The following IVD variants were observed in gnomAD, a reference collection of about 807,000 sequenced individuals.
IVD encodes the protein isovaleryl-CoA dehydrogenase.
A neutral mutation model predicts 51.3 loss-of-function variants in IVD; 31 were observed. The observed-to-expected ratio is 0.60, with a 90% confidence interval of 0.45 to 0.81. IVD has a LOEUF of 0.81. Among genes scored for constraint, IVD ranks in the 40% least tolerant of loss-of-function variants. The pLI, the probability that IVD is intolerant of heterozygous loss-of-function variation, is 0.00. For missense variants in IVD, 475 were observed against 552.0 expected (o/e 0.86, Z 1.40); for synonymous variants, 205 against 219.4 (o/e 0.93, Z 0.58).
downstream of IVD, among the ~76,000 whole-genome samples, chr15:40,425,286 C>T (rs1892603684): frequency 6.6e-6 from 1 of 151,984 alleles, no homozygotes; most frequent in African/African-American, 2.4e-5. Context: ...GCCCATGTGC[C>T]CCTCCTTGAC....
rs1268151040 is a variant in IVD, at chr15:40,420,117, A to C, written c.*1854A>C. 2.0e-6 allele frequency: 2 copies of C among 983,788 alleles called. No homozygotes were observed. Among genetic ancestry groups the C allele is most frequent in the African/African-American group, 3.5e-5 (2 of 57,100 alleles). The allele number at this position is 983,788 out of a possible 1,614,324, so 60.9% of individuals were successfully genotyped here. A position where few individuals can be genotyped will look rare whatever the true frequency, so the allele number is the denominator to read the frequency against. ...GACTCTGTCTCAAAAAATAATAATA[A>C]AATAAATGAACACACATGCTGCTGA... On this transcript the variant is annotated 3_prime_UTR_variant, in exon 12 of 12. Transcript: ENST00000487418.
chr15:40,430,664 G>A (rs1482048907), intron 7 of IVD, among the ~76,000 whole-genome samples: 2 of 152,122 alleles, frequency 1.3e-5, no homozygotes, highest in Non-Finnish European at 2.9e-5. Flanking sequence ...TATGGGTGGC[G>A]GCTTGGGAGG....
Position 40,420,879 on chromosome 15 carries a change from TC to T in IVD, c.*2618del. 1 of 985,574 alleles carries T rather than the reference TC, an allele frequency of 1.0e-6. No individual in the cohort carries two copies. The allele number at this position is 985,574 out of a possible 1,614,324, so 61.1% of individuals were successfully genotyped here. On this transcript the variant is annotated 3_prime_UTR_variant, in exon 12 of 12. Coordinates refer to ENST00000487418, the MANE Select transcript of IVD (RefSeq NM_002225.5). ...TGAGAAGGGAATGGGTCTGGGTTGT[TC>T]CACCCCTTCCGAGTTCCAAAAAGAG...
intron 9 of IVD, 128 bp from the exon 10 acceptor site, chr15:40,415,950 G>A (rs1033266300): frequency 1.2e-6 from 1 of 823,644 alleles, no homozygotes; most frequent in East Asian, 2.7e-5. Context: ...ATCATCCTGA[G>A]TAAATCCCAT....
intron 9 of IVD, 41 bp from the exon 10 acceptor site, chr15:40,416,037 G>T (rs368747069): frequency 6.3e-7 from 1 of 1,585,970 alleles, no homozygotes; most frequent in Non-Finnish European, 8.7e-7. Flanking sequence ...AACTGAGAGA[G>T]TGTTCCAGCA....
intron 7 of IVD, 81 bp downstream of exon 7, chr15:40,413,168 T>C (rs1012150460): frequency 2.6e-6 from 3 of 1,158,082 alleles, no homozygotes; most frequent in Non-Finnish European, 3.9e-6. Context: ...TGAGAAAGCC[T>C]CTGGGTTAGA....
chr15:40,416,162 G>A lies in IVD; in HGVS notation c.1045G>A (p.Glu349Lys). 1.2e-6 allele frequency: 2 copies of A among 1,614,256 alleles called. No individual in the cohort carries two copies. The highest frequency in any genetic ancestry group is 1.7e-6 in the Non-Finnish European group (2 of 1,180,040). ...YVYNVAKACD[E>K]GHCTAKDCAG... ...CTACAATGTCGCCAAGGCCTGCGATGAGGGCCATTGCACTGCTAAGGTGAG... is the reference window on the plus strand; with the variant it reads ...CTACAATGTCGCCAAGGCCTGCGATAAGGGCCATTGCACTGCTAAGGTGAG... Residue 349 changes from glutamate to lysine, a missense_variant, in exon 10 of 12, where the codon GAG (glutamate) becomes AAG (lysine). Transcript: ENST00000487418.
At chr15:40,415,130 C>T in intron 8 of IVD, 148 bp downstream of exon 8, 1 of 900,712 alleles carries the variant, frequency 1.1e-6, no homozygotes, top group Non-Finnish European at 1.7e-6. Context: ...GGAACCTCCT[C>T]TTCCCATGTT....
At chr15:40,407,280 A>G (rs1890548436) in intron 1 of IVD, among the ~76,000 whole-genome samples, 1 of 152,248 alleles carries the variant, frequency 6.6e-6, no homozygotes, top group South Asian at 2.1e-4. Context: ...CAGCTGGAGC[A>G]CAGAGGGTGG....
chr15:40,419,155 A>C lies in IVD; in HGVS notation c.*892A>C, dbSNP rs1395618049. 2.3e-6 allele frequency: 3 copies of C among 1,289,054 alleles called. No individual in the cohort carries two copies. The highest frequency in any genetic ancestry group is 3.0e-6 in the Non-Finnish European group (3 of 988,814). 79.9% of individuals were successfully genotyped at this position (1,289,054 alleles called of 1,614,324 possible). A position where few individuals can be genotyped will look rare whatever the true frequency, so the allele number is the denominator to read the frequency against. On this transcript the variant is annotated 3_prime_UTR_variant, in exon 12 of 12. Transcript: ENST00000487418. ...CTTCAAAAAACAAAACAAAACAAAAAAACCCTGGCCCTTGTTTCTTCCAGT... is the reference window on the plus strand; with the variant it reads ...CTTCAAAAAACAAAACAAAACAAAACAACCCTGGCCCTTGTTTCTTCCAGT...
downstream of IVD, among the ~76,000 whole-genome samples, chr15:40,425,026 A>C (rs1892585616): frequency 6.6e-6 from 1 of 152,102 alleles, no homozygotes; most frequent in African/African-American, 2.4e-5. Context: ...GGAGGCCCTC[A>C]TCCCCGTACT....
At chr15:40,427,996 A>G (rs1892768485), downstream of IVD, among the ~76,000 whole-genome samples, 1 of 152,202 alleles carries the variant, frequency 6.6e-6, no homozygotes, top group African/African-American at 2.4e-5. Flanking sequence ...AGCCTGGCCA[A>G]CATGGTGAAA....
At chr15:40,406,071 G>A (rs1890375917) in intron 1 of IVD, 100 bp downstream of exon 1, 1 of 1,501,984 alleles carries the variant, frequency 6.7e-7, no homozygotes, top group Non-Finnish European at 9.0e-7. Context: ...CGCCCACCCA[G>A]CCTTGGCTTT....
In IVD at chr15:40,415,443, C is replaced by A. The variant is rs1304408183; in HGVS notation, c.921C>A (p.His307Gln). ...AVLDHTIPYLHVREAFGQKIG... is the reference protein window; with the variant it reads ...AVLDHTIPYLQVREAFGQKIG... ...TGGACCACACCATTCCCTACCTGCA[C>A]GTGAGGGAAGCCTTTGGCCAGAAGA... The change falls in exon 9 of 12, where the codon CAC becomes CAA. Residue 307 changes from histidine to glutamine, a missense_variant. His to Gln is a conservative substitution (Grantham distance 24). Transcript: ENST00000487418. The A allele has an allele frequency of 1.2e-6, 2 of 1,614,058 alleles. No homozygotes were observed. Among genetic ancestry groups the A allele is most frequent in the South Asian group, 2.2e-5 (2 of 91,084 alleles).
chr15:40,407,690 G>A lies in IVD; in HGVS notation c.199G>A (p.Glu67Lys), dbSNP rs199865931. ...LQEHLAPKAQ[E>K]IDRSNEFKNL... Reference sequence around the variant, plus strand: ...GGAGCACCTGGCCCCCAAGGCCCAGGAGATCGATCGCAGCAATGAGTTCAA... The same window carrying A: ...GGAGCACCTGGCCCCCAAGGCCCAGAAGATCGATCGCAGCAATGAGTTCAA... Residue 67 changes from glutamate (E) to lysine (K), a missense_variant, in exon 2 of 12, where the codon GAG becomes AAG. Coordinates refer to ENST00000487418, the MANE Select transcript of IVD (RefSeq NM_002225.5). The A allele has an allele frequency of 1.9e-6, 3 of 1,614,206 alleles. No homozygotes were observed. The highest frequency in any genetic ancestry group is 2.5e-6 in the Non-Finnish European group (3 of 1,180,036).
At chr15:40,435,449 A>G in exon 9 of IVD, 1 of 1,238,052 alleles carries the variant, frequency 8.1e-7, no homozygotes. Context: ...CCCACCTGGG[A>G]GGGAGGGCGA....
chr15:40,420,364 A>G lies in IVD; in HGVS notation c.*2101A>G, dbSNP rs999820176. 7.1e-6 allele frequency: 7 copies of G among 987,654 alleles called. No homozygotes were observed. Among genetic ancestry groups the G allele is most frequent in the Non-Finnish European group, 8.4e-6 (7 of 830,134 alleles). The allele number at this position is 987,654 out of a possible 1,614,324, so 61.2% of individuals were successfully genotyped here. A position where few individuals can be genotyped will look rare whatever the true frequency, so the allele number is the denominator to read the frequency against. ...ACTCCAGCTGAGGCTGCCTGTGTAC[A>G]TTTCTCCAGATACCCTATGGCTAAT... On this transcript the variant is annotated 3_prime_UTR_variant, in exon 12 of 12. Transcript: ENST00000487418.
At position 40,418,452 on chromosome 15, in the gene IVD, G is replaced by T. The variant is rs1891953822; in HGVS notation, c.*189G>T. The T allele has an allele frequency of 6.8e-7, 1 of 1,479,148 alleles. No individual in the cohort carries two copies. Among genetic ancestry groups the T allele is most frequent in the East Asian group, 2.6e-5 (1 of 39,006 alleles). The allele number at this position is 1,479,148 out of a possible 1,614,324, so 91.6% of individuals were successfully genotyped here. On this transcript the variant is annotated 3_prime_UTR_variant, in exon 12 of 12. Coordinates refer to ENST00000487418, the MANE Select transcript of IVD (RefSeq NM_002225.5). ...CATCATGGGCCTCGCAGCCGGGCCT[G>T]TGCCACGGCTAGTGTTGTGTGATTT...
chr15:40,415,322 C>T, intron 8 of IVD, 79 bp from the exon 9 acceptor site: 1 of 1,256,380 alleles, frequency 8.0e-7, no homozygotes, highest in Non-Finnish European at 1.2e-6. Flanking sequence ...GGATTCTGGC[C>T]TTCCCACGCT....
Sources: gnomAD v4.1 joint callset for allele counts (sites outside exome capture counted in the v4.1 genomes callset) on GRCh38, gnomAD v4.1.1 for gene constraint, MANE v1.5 for transcripts, NCBI Gene and HGNC (gene_info 2026-07-23, HGNC 2026-07-21) for gene names.